Variants in FBXO42 observed in about 807,000 individuals in gnomAD.
FBXO42 encodes the protein F-box protein 42.
FBXO42 carries 12 observed loss-of-function variants against 71.7 expected under a neutral mutation model. The observed-to-expected ratio is 0.17, with a 90% confidence interval of 0.11 to 0.27. FBXO42 has a LOEUF of 0.27. Among genes scored for constraint, FBXO42 ranks in the 10% least tolerant of loss-of-function variants. The pLI is 1.00. For synonymous variants in FBXO42, 325 were observed against 327.5 expected, an observed-to-expected ratio of 0.99 and a Z score of 0.08; for missense variants, 707 against 911.9, an observed-to-expected ratio of 0.78 and a Z score of 2.89.
At chr1:16,337,409 GT>G (rs1223980666) in intron 1 of FBXO42, among the ~76,000 whole-genome samples, 1 of 152,122 alleles carries the variant, frequency 6.6e-6, no homozygotes, top group Non-Finnish European at 1.5e-5. Context: ...CGTCAACTCT[GT>G]GAGGAACATA....
chr1:16,303,826 A>C (rs2082222041), intron 3 of FBXO42, among the ~76,000 whole-genome samples: 1 of 152,054 alleles, frequency 6.6e-6, no homozygotes. Flanking sequence ...GCTCACTGCC[A>C]GCTCCACCCC....
chr1:16,268,477 G>A, intron 4 of FBXO42, among the ~76,000 whole-genome samples: 1 of 152,158 alleles, frequency 6.6e-6, no homozygotes, highest in East Asian at 1.9e-4. Context: ...TCATTCACAT[G>A]TCCTGAGACC....
At chr1:16,258,977 C>T (rs191222846) in intron 4 of FBXO42, among the ~76,000 whole-genome samples, 39 of 152,180 alleles carry the variant, frequency 2.6e-4, no homozygotes, top group African/African-American at 7.9e-4. Context: ...TGGCCTCAAG[C>T]GATCCTCCCG....
At chr1:16,270,239 T>A (rs76350388) in intron 4 of FBXO42, among the ~76,000 whole-genome samples, 7,934 of 152,174 alleles carry the variant, frequency 0.052, 634 homozygotes, top group African/African-American at 0.18. Context: ...TCTGCTGTCA[T>A]GACCCAAACA....
Position 16,328,160 on chromosome 1 carries a change from T to G in FBXO42, c.-17-12725A>C, listed in dbSNP as rs540959427. On this transcript the variant is annotated intron_variant, in intron 1 of 9. Coordinates refer to ENST00000375592, the MANE Select transcript of FBXO42 (RefSeq NM_018994.3). ...AACCCACAGCATCAAAGAGTGAAAT[T>G]TAATACATGTAAATTTTTAAAAAAA... Among the ~76,000 whole-genome samples the G allele has an allele frequency of 2.0e-5, 3 of 152,188 alleles. No homozygotes were observed. In the East Asian group the frequency reaches 5.8e-4, roughly 29 times the overall value.
intron 1 of FBXO42, among the ~76,000 whole-genome samples, chr1:16,316,478 G>A (rs1422843566): frequency 6.6e-6 from 1 of 151,954 alleles, no homozygotes; most frequent in Non-Finnish European, 1.5e-5. Flanking sequence ...GCTCACACCT[G>A]TAGTCCCAGC....
chr1:16,315,054 G>T, intron 2 of FBXO42, 115 bp downstream of exon 2: 3 of 1,171,808 alleles, frequency 2.6e-6, no homozygotes, highest in Non-Finnish European at 3.6e-6. Context: ...ATCGTCTAAT[G>T]CTAGATTTTA....
intron 1 of FBXO42, among the ~76,000 whole-genome samples, chr1:16,346,336 A>G (rs2082653928): frequency 6.6e-6 from 1 of 152,166 alleles, no homozygotes; most frequent in African/African-American, 2.4e-5. Context: ...ACCAGCTAAA[A>G]CCAAAACACG....
At chr1:16,346,048 G>A (rs1047508241) in intron 1 of FBXO42, among the ~76,000 whole-genome samples, 6 of 152,118 alleles carry the variant, frequency 3.9e-5, no homozygotes, top group East Asian at 1.9e-4. Flanking sequence ...GGGTCAGAAC[G>A]ACTAATGGTG....
chr1:16,295,387 T>C (rs1428564324), intron 3 of FBXO42, among the ~76,000 whole-genome samples: 2 of 152,192 alleles, frequency 1.3e-5, no homozygotes, highest in African/African-American at 4.8e-5. Flanking sequence ...TGAATCTTTT[T>C]TTTTTCTTTC....
At chr1:16,285,744 A>G (rs557771751) in intron 4 of FBXO42, among the ~76,000 whole-genome samples, 1 of 152,124 alleles carries the variant, frequency 6.6e-6, no homozygotes, top group African/African-American at 2.4e-5. Context: ...CTTTCCTCAT[A>G]TGCTGGCTTC....
chr1:16,286,050 AT>A (rs112315896), intron 4 of FBXO42, among the ~76,000 whole-genome samples: 4 of 149,826 alleles, frequency 2.7e-5, no homozygotes, highest in African/African-American at 7.4e-5. Context: ...CGCCCAGCTA[AT>A]TTTTTTTTTA....
chr1:16,326,683 CAAAA>C (rs397860543), intron 1 of FBXO42, among the ~76,000 whole-genome samples: 13 of 103,100 alleles, frequency 1.3e-4, no homozygotes, highest in African/African-American at 1.8e-4. Context: ...AACCCTGTCT[CAAAA>C]AAAAAAAAAA....
intron 1 of FBXO42, among the ~76,000 whole-genome samples, chr1:16,343,388 A>AT (rs2082624868): frequency 7.2e-6 from 1 of 138,204 alleles, no homozygotes; most frequent in Non-Finnish European, 1.7e-5. Flanking sequence ...TACAAAAAAC[A>AT]CAAAAAAATT....
chr1:16,282,017 C>G (rs2081969050), intron 4 of FBXO42, among the ~76,000 whole-genome samples: 1 of 151,488 alleles, frequency 6.6e-6, no homozygotes, highest in South Asian at 2.1e-4. Context: ...GCTATTTCTA[C>G]AAAGCAGCCA....
At chr1:16,289,062 T>G (rs2082051453) in intron 4 of FBXO42, among the ~76,000 whole-genome samples, 1 of 151,966 alleles carries the variant, frequency 6.6e-6, no homozygotes, top group African/African-American at 2.4e-5. Flanking sequence ...TTTCTTGCCT[T>G]CCTTCATTTC....
chr1:16,286,054 T>C (rs753611657), intron 4 of FBXO42, among the ~76,000 whole-genome samples: 1 of 151,956 alleles, frequency 6.6e-6, no homozygotes, highest in Admixed American at 6.6e-5. Context: ...CAGCTAATTT[T>C]TTTTTTAATT....
chr1:16,348,001 AAAAAAAAAG>A (rs1422154351), intron 1 of FBXO42, among the ~76,000 whole-genome samples: 47 of 151,784 alleles, frequency 3.1e-4, no homozygotes, highest in African/African-American at 1.1e-3. Context: ...TCAAAAAAAA[AAAAAAAAAG>A]AAAAAAAGAA....
At chr1:16,304,174 TG>T (rs2082226386) in intron 3 of FBXO42, among the ~76,000 whole-genome samples, 1 of 149,344 alleles carries the variant, frequency 6.7e-6, no homozygotes, top group Non-Finnish European at 1.5e-5. Context: ...TGGAGTGCAA[TG>T]GTGCAATCTC....
Sources: allele counts gnomAD v4.1 joint callset (sites outside exome capture counted in the v4.1 genomes callset), GRCh38; gene constraint gnomAD v4.1.1; transcripts MANE v1.5; gene names NCBI Gene and HGNC (gene_info 2026-07-23, HGNC 2026-07-21).